The following LRBA variants were observed in gnomAD, a reference collection of about 807,000 sequenced individuals.
LRBA encodes LPS responsive beige-like anchor protein, also known as lipopolysaccharide-responsive and beige-like anchor protein.
A neutral mutation model predicts 330.0 loss-of-function variants in LRBA; 176 were observed. That is an observed-to-expected ratio of 0.53 (90% CI 0.47 to 0.60). The LOEUF is 0.60. Among genes scored for constraint, LRBA ranks in the 20% least tolerant of loss-of-function variants. The pLI is 0.00. For missense variants in LRBA, 3,259 were observed against 3,444.8 expected (o/e 0.95, Z 1.35); for synonymous variants, 1,230 against 1,193.0 (o/e 1.03, Z -0.64).
At chr4:150,847,139 C>A (rs935788408) in intron 26 of LRBA, among the ~76,000 whole-genome samples, 11 of 152,218 alleles carry the variant, frequency 7.2e-5, no homozygotes, top group Middle Eastern at 3.4e-3. Context: ...TATTCAAATT[C>A]TACCTTCACC....
intron 37 of LRBA, among the ~76,000 whole-genome samples, chr4:150,630,799 G>T (rs1189528720): frequency 6.6e-6 from 1 of 151,904 alleles, no homozygotes; most frequent in African/African-American, 2.4e-5. Flanking sequence ...TTAACATAAA[G>T]GTAGCATTTT....
chr4:150,437,413 T>C (rs984883584), intron 44 of LRBA, among the ~76,000 whole-genome samples: 5 of 151,220 alleles, frequency 3.3e-5, no homozygotes, highest in Non-Finnish European at 7.4e-5. Context: ...AATATGCCTA[T>C]ATGTCTATAT....
chr4:150,502,948 C>T (rs1760488872), intron 40 of LRBA, among the ~76,000 whole-genome samples: 1 of 152,190 alleles, frequency 6.6e-6, no homozygotes, highest in Non-Finnish European at 1.5e-5. Context: ...CGGAGTCTCG[C>T]TCATTGCTAG....
chr4:150,489,339 A>AAT lies in LRBA; in HGVS notation c.6449-1507_6449-1506dup, dbSNP rs1429596061. Among the ~76,000 whole-genome samples, 498 of 64,730 alleles carry AAT rather than the reference A, an allele frequency of 7.7e-3. 57 individuals are homozygous for AAT. Among genetic ancestry groups the AAT allele is most frequent in the Non-Finnish European group, 0.01 (378 of 36,320 alleles). 42.5% of individuals were successfully genotyped at this position (64,730 alleles called of 152,430 possible). On this transcript the variant is annotated intron_variant, in intron 41 of 56. Coordinates refer to ENST00000651943, the MANE Select transcript of LRBA (RefSeq NM_001364905.1). ...ATATATAAAATATATTACATATAAG[A>AAT]ATATAAAATATATTACATATAAGAA...
chr4:150,879,672 C>T (rs369574517), intron 17 of LRBA, among the ~76,000 whole-genome samples: 31 of 152,244 alleles, frequency 2.0e-4, no homozygotes, highest in African/African-American at 4.3e-4. Flanking sequence ...AGTACAGTTT[C>T]GGGATATAAA....
intron 2 of LRBA, among the ~76,000 whole-genome samples, chr4:150,967,830 A>G (rs1369759645): frequency 1.3e-5 from 2 of 152,176 alleles, no homozygotes; most frequent in African/African-American, 4.8e-5. Flanking sequence ...CATATAAGAT[A>G]GTGAACTTAA....
chr4:150,323,254 G>C, intron 49 of LRBA, among the ~76,000 whole-genome samples: 1 of 152,036 alleles, frequency 6.6e-6, no homozygotes, highest in East Asian at 1.9e-4. Flanking sequence ...AAAAGGAAAT[G>C]AACATCATTT....
chr4:150,375,083 AG>A (rs34668782), intron 47 of LRBA, among the ~76,000 whole-genome samples: 141,894 of 152,176 alleles, frequency 0.93, 66,306 homozygotes, highest in Middle Eastern at 0.97. Context: ...TGTAAGAGTA[AG>A]GGGGGGAATT....
At chr4:150,528,795 GT>G (rs1278476917) in intron 40 of LRBA, among the ~76,000 whole-genome samples, 1 of 152,038 alleles carries the variant, frequency 6.6e-6, no homozygotes, top group Non-Finnish European at 1.5e-5. Flanking sequence ...AACAGACAAA[GT>G]TTTAAAACAA....
intron 36 of LRBA, among the ~76,000 whole-genome samples, chr4:150,685,903 G>C (rs1783580825): frequency 6.6e-6 from 1 of 152,108 alleles, no homozygotes; most frequent in African/African-American, 2.4e-5. Context: ...CAAAGCAAGA[G>C]AGTTTGACCC....
intron 47 of LRBA, among the ~76,000 whole-genome samples, chr4:150,365,763 C>T (rs1739379037): frequency 6.9e-6 from 1 of 145,392 alleles, no homozygotes; most frequent in Non-Finnish European, 1.5e-5. Context: ...TGCACTCCAG[C>T]CTGGGTAACA....
Position 150,490,973 on chromosome 4 carries a change from A to T in LRBA, c.6393T>A (p.Phe2131Leu). ...KWLFTEIRSI[F>L]SRRYLLQNTA... ...TATTTTGCAAAAGATAACGACGAGAAAAGATTGATCGTATCTCTGTGAACA... is the reference window on the plus strand; with the variant it reads ...TATTTTGCAAAAGATAACGACGAGATAAGATTGATCGTATCTCTGTGAACA... Residue 2131 changes from phenylalanine to leucine, a missense_variant, in exon 41 of 57, where the codon TTT (phenylalanine) becomes TTA (leucine). Coordinates refer to ENST00000651943, the MANE Select transcript of LRBA (RefSeq NM_001364905.1). 1 of 1,610,468 alleles carries T rather than the reference A, an allele frequency of 6.2e-7. No individual in the cohort carries two copies. Among genetic ancestry groups the T allele is most frequent in the East Asian group, 2.2e-5 (1 of 44,762 alleles).
chr4:150,379,796 T>C (rs911270846), intron 47 of LRBA, among the ~76,000 whole-genome samples: 11 of 152,144 alleles, frequency 7.2e-5, no homozygotes, highest in Non-Finnish European at 1.6e-4. Flanking sequence ...CATGAAATAT[T>C]ATATTGCCGA....
At chr4:150,527,575 C>T (rs1763608689) in intron 40 of LRBA, among the ~76,000 whole-genome samples, 1 of 152,160 alleles carries the variant, frequency 6.6e-6, no homozygotes, top group African/African-American at 2.4e-5. Flanking sequence ...CCTAAAATGA[C>T]AGCTATGGGC....
In LRBA at chr4:150,903,996, T is replaced by C. The variant is rs552984767; in HGVS notation, c.1755+1842A>G. Among the ~76,000 whole-genome samples the C allele has an allele frequency of 5.9e-5, 9 of 152,286 alleles. No homozygotes were observed. In the South Asian group the frequency reaches 1.0e-3, roughly 18 times the overall value. On this transcript the variant is annotated intron_variant, in intron 13 of 56. Coordinates refer to ENST00000651943, the MANE Select transcript of LRBA (RefSeq NM_001364905.1). ...TATTTGTTGAGTAAATGAAGGACCA[T>C]GGTAGACAAGAAAATTCATCTCTCC... is the stretch of plus-strand genomic sequence containing the variant.
intron 40 of LRBA, among the ~76,000 whole-genome samples, chr4:150,571,470 C>T (rs1769830094): frequency 1.3e-5 from 2 of 151,876 alleles, no homozygotes; most frequent in Admixed American, 1.3e-4. Context: ...AACATAATCC[C>T]AAGCTTCTTT....
chr4:150,489,015 TATATATAAGA>T (rs1405298053), intron 41 of LRBA, among the ~76,000 whole-genome samples: 1 of 116,826 alleles, frequency 8.6e-6, no homozygotes, highest in Admixed American at 1.1e-4. Flanking sequence ...TATAATATAT[TATATATAAGA>T]ATATATATTA....
chr4:150,864,644 C>CT (rs34280757), intron 22 of LRBA, among the ~76,000 whole-genome samples: 8,460 of 118,312 alleles, frequency 0.072, 965 homozygotes, highest in African/African-American at 0.18. Flanking sequence ...GGCCCACGTT[C>CT]TTTTTTTTTT....
chr4:150,809,653 A>C lies in LRBA; in HGVS notation c.5306-1255T>G, dbSNP rs575308187. Among the ~76,000 whole-genome samples, 10 of 152,272 alleles carry C rather than the reference A, an allele frequency of 6.6e-5. No homozygotes were observed. The East Asian group carries it at 1.7e-3, about 26-fold the overall frequency. On this transcript the variant is annotated intron_variant, in intron 31 of 56. Coordinates refer to ENST00000651943, the MANE Select transcript of LRBA (RefSeq NM_001364905.1). ...GAGGACTGCTTGAGCTCAGGAGTTCAAGATTAGCCTGTGAAACACAGCAAT... is the reference window on the plus strand; with the variant it reads ...GAGGACTGCTTGAGCTCAGGAGTTCCAGATTAGCCTGTGAAACACAGCAAT...
Sources: gnomAD v4.1 joint callset for allele counts (sites outside exome capture counted in the v4.1 genomes callset) on GRCh38, gnomAD v4.1.1 for gene constraint, MANE v1.5 for transcripts, NCBI Gene and HGNC (gene_info 2026-07-23, HGNC 2026-07-21) for gene names.